CCHCR1: variants seen among roughly 807,000 people sequenced by gnomAD.
The protein encoded by CCHCR1 is HCR (a-helix coiled-coil rod homologue).
CCHCR1 carries 91 observed loss-of-function variants against 114.6 expected under a neutral mutation model. That is an observed-to-expected ratio of 0.79 (90% CI 0.67 to 0.94). CCHCR1 has a LOEUF of 0.94. Among genes scored for constraint, CCHCR1 ranks in the 40% least tolerant of loss-of-function variants. The pLI, the probability that CCHCR1 is intolerant of heterozygous loss-of-function variation, is 0.00. For synonymous variants in CCHCR1, 379 were observed against 428.5 expected (o/e 0.88, Z 1.43); for missense variants, 899 against 1,079.9 (o/e 0.83, Z 2.35).
rs1388373845 is a variant in CCHCR1 at position 31,144,503 on chromosome 6, T to C, written c.2167+184A>G. 4 of 581,998 alleles carry C rather than the reference T, an allele frequency of 6.9e-6. No individual in the cohort carries two copies. The African/African-American group carries it at 7.5e-5, about 11-fold the overall frequency. The allele number at this position is 581,998 out of a possible 1,614,324, so 36.1% of individuals were successfully genotyped here. A position where few individuals can be genotyped will look rare whatever the true frequency, so the allele number is the denominator to read the frequency against. ...AGCCACCGCGACCGGCCATATGCTGTTTCTTAATCTGGTGCTGGCTACATG... is the reference window on the plus strand; with the variant it reads ...AGCCACCGCGACCGGCCATATGCTGCTTCTTAATCTGGTGCTGGCTACATG... On this transcript the variant is annotated intron_variant, in intron 15 of 17. Transcript: ENST00000396268. This position sits in a 1 kb window ranked among gnomAD's most constrained non-coding sequence, Gnocchi z 4.6.
intron 4 of CCHCR1, among the ~76,000 whole-genome samples, chr6:31,153,857 C>T (rs1478739157): frequency 1.3e-5 from 2 of 152,206 alleles, no homozygotes; most frequent in East Asian, 1.9e-4. Flanking sequence ...GGATTACAGG[C>T]GTGAGCCACT....
At position 31,151,811 on chromosome 6, in the gene CCHCR1, G is replaced by A. The variant is rs1014516213; in HGVS notation, c.802-689C>T. On this transcript the variant is annotated intron_variant, in intron 4 of 17. Transcript: ENST00000396268. This position sits in a 1 kb window ranked among gnomAD's most constrained non-coding sequence, Gnocchi z 4.1. ...TGTCTTTTGCTCATGGCACCTCAAAGGGTTGCAGGGGTGTCAGAGCCACCA... is the reference window on the plus strand; with the variant it reads ...TGTCTTTTGCTCATGGCACCTCAAAAGGTTGCAGGGGTGTCAGAGCCACCA... Among the ~76,000 whole-genome samples, 1 of 152,198 alleles carries A rather than the reference G, an allele frequency of 6.6e-6. No homozygotes were observed. Among genetic ancestry groups the A allele is most frequent in the African/African-American group, 2.4e-5 (1 of 41,456 alleles).
intron 8 of CCHCR1, 60 bp from the exon 9 acceptor site, chr6:31,148,788 G>A (rs930804452): frequency 1.0e-5 from 8 of 762,272 alleles, no homozygotes; most frequent in Non-Finnish European, 1.7e-5. Flanking sequence ...GGGGGGCACT[G>A]GAAGCAAAGT....
At position 31,143,300 on chromosome 6, in the gene CCHCR1, G is replaced by C; in HGVS notation, c.2281C>G (p.Arg761Gly). 6.2e-7 allele frequency: 1 copy of C among 1,612,658 alleles called. No homozygotes were observed. The change falls in exon 16 of 18, where the codon CGC (arginine) becomes GGC (glycine). Residue 761 changes from arginine to glycine, a missense_variant. Transcript: ENST00000396268. The surrounding 1 kb of genome is among the most constrained non-coding windows in gnomAD (Gnocchi z 5.3). The part of the protein sequence containing the change: ...RKEEGQRLAR[R>G]LQELERDKNL... Reference sequence around the variant, plus strand: ...TTATCCCTCTCTAGCTCCTGCAAGCGCCGGGCCAGTCGCTGCCCCTCCTCC... The same window carrying C: ...TTATCCCTCTCTAGCTCCTGCAAGCCCCGGGCCAGTCGCTGCCCCTCCTCC...
chr6:31,150,443 G>T lies in CCHCR1; in HGVS notation c.1212+12C>A. 1 of 1,605,092 alleles carries T rather than the reference G, an allele frequency of 6.2e-7. No homozygotes were observed. Among genetic ancestry groups the T allele is most frequent in the Non-Finnish European group, 8.5e-7 (1 of 1,174,186 alleles). On this transcript the variant is annotated intron_variant, in intron 7 of 17. Transcript: ENST00000396268. This position sits in a 1 kb window ranked among gnomAD's most constrained non-coding sequence, Gnocchi z 5.3. ...GCGGCTGAGGGTGAGGGGTCTGGGG[G>T]TTGGGCTGTACCTTCCTGGTCAGCT...
chr6:31,143,529 TC>T lies in CCHCR1; in HGVS notation c.2168-117del. Reference sequence around the variant, plus strand: ...CAACTCTGTGGCTTGGGGAGGCTGTTCTGCTCTGTGGATCTGTCTCTTCTGT... The same window carrying T: ...CAACTCTGTGGCTTGGGGAGGCTGTTTGCTCTGTGGATCTGTCTCTTCTGT... On this transcript the variant is annotated intron_variant, in intron 15 of 17. Transcript: ENST00000396268. This position sits in a 1 kb window ranked among gnomAD's most constrained non-coding sequence, Gnocchi z 5.3. 9.1e-7 allele frequency: 1 copy of T among 1,103,092 alleles called. No homozygotes were observed. The highest frequency in any genetic ancestry group is 1.3e-6 in the Non-Finnish European group (1 of 773,760). The allele number at this position is 1,103,092 out of a possible 1,614,324, so 68.3% of individuals were successfully genotyped here.
At chr6:31,148,984 T>A (rs577136502) in intron 8 of CCHCR1, among the ~76,000 whole-genome samples, 6 of 151,876 alleles carry the variant, frequency 4.0e-5, no homozygotes, top group African/African-American at 9.7e-5. Context: ...AAAGCCTGTC[T>A]CTACTAAAAA....
intron 10 of CCHCR1, among the ~76,000 whole-genome samples, chr6:31,146,063 T>A (rs1460984776): frequency 6.6e-6 from 1 of 152,204 alleles, no homozygotes; most frequent in African/African-American, 2.4e-5. Flanking sequence ...TTATCCTCTC[T>A]GATCAGGGGC....
At chr6:31,146,934 AT>A in intron 10 of CCHCR1, among the ~76,000 whole-genome samples, 1 of 152,296 alleles carries the variant, frequency 6.6e-6, no homozygotes, top group Admixed American at 6.5e-5. Flanking sequence ...ATTTTTCATA[AT>A]TTTTAAAGCT....
chr6:31,147,303 G>C (rs1561802078), intron 10 of CCHCR1, among the ~76,000 whole-genome samples: 1 of 151,652 alleles, frequency 6.6e-6, no homozygotes. Context: ...AGGAGGCTGA[G>C]GCAGGAAAAT....
At position 31,154,782 on chromosome 6, in the gene CCHCR1, C is replaced by G; in HGVS notation, c.515G>C (p.Gly172Ala). Reference protein sequence around the residue: ...GRRGRSWGLEGSQALSQQAEV... With the variant: ...GRRGRSWGLEASQALSQQAEV... Reference sequence around the variant, plus strand: ...AGCCTGCTGGCTCAGGGCCTGTGACCCCTCCAGCCCCCAGGACCTTCAAAG... The same window carrying G: ...AGCCTGCTGGCTCAGGGCCTGTGACGCCTCCAGCCCCCAGGACCTTCAAAG... Residue 172 changes from glycine (G) to alanine (A), a missense_variant, in exon 4 of 18, where the codon GGG (glycine) becomes GCG (alanine). Transcript: ENST00000396268. This position sits in a 1 kb window ranked among gnomAD's most constrained non-coding sequence, Gnocchi z 4.1. 1 of 1,603,742 alleles carries G rather than the reference C, an allele frequency of 6.2e-7. No individual in the cohort carries two copies. The highest frequency in any genetic ancestry group is 8.5e-7 in the Non-Finnish European group (1 of 1,179,434).
intron 17 of CCHCR1, 49 bp downstream of exon 17, chr6:31,142,914 C>T: frequency 1.9e-6 from 3 of 1,582,738 alleles, no homozygotes; most frequent in Non-Finnish European, 2.6e-6. Flanking sequence ...AGAGGAGATT[C>T]CTGAAGTGCG....
chr6:31,146,120 C>T (rs1355077011), intron 10 of CCHCR1, among the ~76,000 whole-genome samples: 4 of 152,000 alleles, frequency 2.6e-5, no homozygotes, highest in Non-Finnish European at 4.4e-5. Flanking sequence ...CCGAGGCGGG[C>T]GGATCACCTG....
At position 31,143,887 on chromosome 6, in the gene CCHCR1, C is replaced by T. The variant is rs1458000452; in HGVS notation, c.2168-474G>A. 6.6e-6 allele frequency among the ~76,000 whole-genome samples: 1 copy of T among 152,058 alleles called. No individual in the cohort carries two copies. Among genetic ancestry groups the T allele is most frequent in the Non-Finnish European group, 1.5e-5 (1 of 68,014 alleles). On this transcript the variant is annotated intron_variant, in intron 15 of 17. Coordinates refer to ENST00000396268, the MANE Select transcript of CCHCR1 (RefSeq NM_001105564.2). The surrounding 1 kb of genome is among the most constrained non-coding windows in gnomAD (Gnocchi z 5.3). ...CATCCTGGCCAACATGGTGTAATCC[C>T]GTCTCTACTGCAAATACAAAAACTA... is the stretch of plus-strand genomic sequence containing the variant.
chr6:31,143,371 T>A lies in CCHCR1; in HGVS notation c.2210A>T (p.Lys737Met), dbSNP rs116969494. ...ACGCCTGAGTTCCTGGCTCCGCTCC[T>A]TTTCCTGGGCGGCTCTGCGCTGAAT... Reference protein sequence around the residue: ...RQIQRRAAQEKERSQELRRLQ... With the variant: ...RQIQRRAAQEMERSQELRRLQ... The change falls in exon 16 of 18, where the codon AAG becomes ATG. Residue 737 changes from lysine (K) to methionine (M), a missense_variant. Lys to Met is a moderately conservative substitution (Grantham distance 95, BLOSUM62 -1). Coordinates refer to ENST00000396268, the MANE Select transcript of CCHCR1 (RefSeq NM_001105564.2). This position sits in a 1 kb window ranked among gnomAD's most constrained non-coding sequence, Gnocchi z 5.3. The A allele has an allele frequency of 5.4e-3, 8,658 of 1,612,868 alleles. 318 individuals are homozygous for A. The East Asian group carries it at 0.093, about 17-fold the overall frequency.
rs1334822425 is a variant in CCHCR1, at chr6:31,148,616, A to G, written c.1473+2T>C. ...CCGAGTCTCTAGTAGGCTGACACCA[A>G]CCTTGGCACCCATACGCTCCACCTC... On this transcript the variant is annotated splice_donor_variant, in intron 9 of 17. Coordinates refer to ENST00000396268, the MANE Select transcript of CCHCR1 (RefSeq NM_001105564.2). LOFTEE classifies it high-confidence loss of function. 2.5e-6 allele frequency: 4 copies of G among 1,609,850 alleles called. No individual in the cohort carries two copies. The highest frequency in any genetic ancestry group is 3.4e-6 in the Non-Finnish European group (4 of 1,177,230).
Position 31,157,061 on chromosome 6 carries a change from A to C in CCHCR1, c.245T>G (p.Leu82Arg). The part of the protein sequence containing the change: ...RGNIDGWRQN[L>R]EPSNNVEMFP... ...CATCTCCACATTATTTGAAGGCTCTAGATTCTGTCTCCAGCCATCTATGTT... is the reference window on the plus strand; with the variant it reads ...CATCTCCACATTATTTGAAGGCTCTCGATTCTGTCTCCAGCCATCTATGTT... The change falls in exon 2 of 18, where the codon CTA becomes CGA. Residue 82 changes from leucine to arginine, a missense_variant. Coordinates refer to ENST00000396268, the MANE Select transcript of CCHCR1 (RefSeq NM_001105564.2). 1 of 1,612,284 alleles carries C rather than the reference A, an allele frequency of 6.2e-7. No homozygotes were observed. The highest frequency in any genetic ancestry group is 8.5e-7 in the Non-Finnish European group (1 of 1,179,632).
chr6:31,147,175 C>T (rs1774452673), intron 10 of CCHCR1, among the ~76,000 whole-genome samples: 2 of 151,814 alleles, frequency 1.3e-5, no homozygotes, highest in South Asian at 4.2e-4. Flanking sequence ...CCGAGGCGGG[C>T]GGATCACGAG....
rs1775082594 is a variant in CCHCR1, at chr6:31,150,629, T to C, written c.1102-64A>G. ...ATGCCGCCTTAGGTACCACCTTCTCTCCCGGAGGCTGTGCTCTACACGCTC... is the reference window on the plus strand; with the variant it reads ...ATGCCGCCTTAGGTACCACCTTCTCCCCCGGAGGCTGTGCTCTACACGCTC... On this transcript the variant is annotated intron_variant, in intron 6 of 17. Transcript: ENST00000396268. The surrounding 1 kb of genome is among the most constrained non-coding windows in gnomAD (Gnocchi z 5.3). 1 of 1,587,372 alleles carries C rather than the reference T, an allele frequency of 6.3e-7. No homozygotes were observed. The highest frequency in any genetic ancestry group is 1.3e-5 in the African/African-American group (1 of 74,508).
Sources: allele counts gnomAD v4.1 joint callset (sites outside exome capture counted in the v4.1 genomes callset), GRCh38; gene constraint gnomAD v4.1.1; non-coding constraint Gnocchi (gnomAD v3.1); transcripts MANE v1.5; gene names NCBI Gene and HGNC (gene_info 2026-07-23, HGNC 2026-07-21).